Variants in XRN2 observed in about 807,000 individuals in gnomAD.
XRN2 encodes 5'-3' exoribonuclease 2, also known as DHM1-like protein.
In XRN2, 44 loss-of-function variants were observed where a neutral mutation model predicts 138.5. The ratio of observed to expected loss-of-function variants is 0.32; its 90% CI spans 0.25 to 0.41. The LOEUF is 0.41. Ranked by LOEUF, XRN2 falls within the 10% of genes least tolerant of loss-of-function variation. The probability of loss-of-function intolerance (pLI) is 1.00; values close to 1 mark genes in which losing one functional copy is unlikely to be tolerated. For synonymous variants in XRN2, 354 were observed against 369.4 expected (o/e 0.96, Z 0.48); for missense variants, 937 against 1,169.3 (o/e 0.80, Z 2.90).
At chr20:21,327,943 T>A (rs572171404) in intron 3 of XRN2, among the ~76,000 whole-genome samples, 1 of 152,318 alleles carries the variant, frequency 6.6e-6, no homozygotes, top group South Asian at 2.1e-4. Context: ...GAAATTGCAT[T>A]TGGTTAGAGT....
intron 13 of XRN2, among the ~76,000 whole-genome samples, chr20:21,336,195 C>T (rs2038289239): frequency 6.6e-6 from 1 of 152,234 alleles, no homozygotes; most frequent in Non-Finnish European, 1.5e-5. Context: ...CGTGGTGGCT[C>T]ATGCCTTTAA....
rs2038965833 is a variant in XRN2 at position 21,389,332 on chromosome 20, G to A, written c.2847G>A (p.Trp949Ter). Residue 949 changes from tryptophan to a stop codon, truncating the protein, a stop_gained, in exon 30 of 30, where the codon TGG becomes TGA. Transcript: ENST00000377191. LOFTEE classifies it high-confidence loss of function. ...CACCACCCTCAGGAAGATACAATTG[G>A]AATTAAGCTTTTGTAAAGCTTTCCC... ...PLPPPSGRYN[W>*]N 4 of 1,612,100 alleles carry A rather than the reference G, an allele frequency of 2.5e-6. No homozygotes were observed. The highest frequency in any genetic ancestry group is 3.4e-6 in the Non-Finnish European group (4 of 1,179,094).
chr20:21,348,476 C>G, intron 19 of XRN2, 46 bp downstream of exon 19: 1 of 1,527,418 alleles, frequency 6.5e-7, no homozygotes, highest in Non-Finnish European at 9.0e-7. Flanking sequence ...ATTTTTGTCA[C>G]ATTTTATTCA....
chr20:21,304,944 C>T (rs2037794823), intron 1 of XRN2, among the ~76,000 whole-genome samples: 1 of 152,160 alleles, frequency 6.6e-6, no homozygotes, highest in Admixed American at 6.5e-5. Context: ...GGATAGTTGA[C>T]TATTGACACT....
intron 28 of XRN2, 87 bp downstream of exon 28, chr20:21,382,144 T>C: frequency 8.9e-7 from 1 of 1,122,274 alleles, no homozygotes; most frequent in South Asian, 1.7e-5. Context: ...AAAACCTCTG[T>C]GGTTTGAAAT....
intron 20 of XRN2, among the ~76,000 whole-genome samples, chr20:21,351,065 A>T (rs2038504628): frequency 6.6e-6 from 1 of 152,250 alleles, no homozygotes; most frequent in African/African-American, 2.4e-5. Flanking sequence ...TTTGTTAAAT[A>T]AGTAAATTAT....
At chr20:21,330,284 A>AAAT (rs548935877) in intron 4 of XRN2, among the ~76,000 whole-genome samples, 197 bp from the exon 5 acceptor site, 76 of 151,976 alleles carry the variant, frequency 5.0e-4, no homozygotes, top group African/African-American at 1.2e-3. Context: ...ACTCTGTCTC[A>AAAT]AATAATAATA....
At chr20:21,356,766 A>G in intron 23 of XRN2, 101 bp downstream of exon 23, 2 of 1,019,640 alleles carry the variant, frequency 2.0e-6, no homozygotes, top group Non-Finnish European at 2.8e-6. Context: ...ATAGTGAGAA[A>G]ATTGTATTTA....
chr20:21,380,482 A>G (rs956328790), intron 27 of XRN2, among the ~76,000 whole-genome samples: 1 of 152,124 alleles, frequency 6.6e-6, no homozygotes, highest in African/African-American at 2.4e-5. Context: ...CAGAAAATTG[A>G]TTTTCTGATA....
At chr20:21,317,598 T>C (rs1052481009) in intron 1 of XRN2, among the ~76,000 whole-genome samples, 2 of 152,214 alleles carry the variant, frequency 1.3e-5, no homozygotes, top group African/African-American at 2.4e-5. Flanking sequence ...TGATATATAA[T>C]GGTGTAATAT....
Position 21,380,523 on chromosome 20 carries a change from T to C in XRN2, c.2585-1471T>C, listed in dbSNP as rs73298392. ...TAGTCTGTAGTAATGACTCAGAACT[T>C]ACTCTGGGCGTAGGGTGGGGAACTG... On this transcript the variant is annotated intron_variant, in intron 27 of 29. Transcript: ENST00000377191. Among the ~76,000 whole-genome samples the C allele has an allele frequency of 8.8e-3, 1,342 of 152,348 alleles. 20 individuals are homozygous for C. Among genetic ancestry groups the C allele is most frequent in the African/African-American group, 0.031 (1,268 of 41,568 alleles).
rs1156513813 is a variant in XRN2, at chr20:21,311,961, C to T, written c.75+8488C>T. 2.6e-5 allele frequency among the ~76,000 whole-genome samples: 4 copies of T among 152,096 alleles called. No homozygotes were observed. In the South Asian group the frequency reaches 6.2e-4, roughly 24 times the overall value. ...AGTGAGCTGAGATTGTTCCACTGCA[C>T]TCCAGCCTGGGCGACAGAGCGAGCC... On this transcript the variant is annotated intron_variant, in intron 1 of 29. Coordinates refer to ENST00000377191, the MANE Select transcript of XRN2 (RefSeq NM_012255.5).
intron 13 of XRN2, 54 bp from the exon 14 acceptor site, chr20:21,338,990 C>G (rs2038336334): frequency 6.5e-7 from 1 of 1,536,754 alleles, no homozygotes; most frequent in Non-Finnish European, 8.9e-7. Context: ...TAATGCTTAA[C>G]TCTGACATTT....
At chr20:21,311,913 T>C (rs1325995690) in intron 1 of XRN2, among the ~76,000 whole-genome samples, 1 of 152,114 alleles carries the variant, frequency 6.6e-6, no homozygotes, top group Admixed American at 6.5e-5. Flanking sequence ...CAAAATCACT[T>C]GATCCTGGGA....
intron 1 of XRN2, among the ~76,000 whole-genome samples, chr20:21,308,442 T>C (rs972396623): frequency 6.6e-6 from 1 of 152,184 alleles, no homozygotes; most frequent in African/African-American, 2.4e-5. Flanking sequence ...ACTTTTTTTT[T>C]CAAACTGGTT....
At chr20:21,353,252 ATATATATATATATC>A (rs1232107193) in intron 20 of XRN2, among the ~76,000 whole-genome samples, 258 of 16,538 alleles carry the variant, frequency 0.016, 2 homozygotes, top group African/African-American at 0.032. Context: ...ATATATATAT[ATATATATATATATC>A]TCTTAAATGT....
chr20:21,370,209 G>A (rs552737518), intron 27 of XRN2, among the ~76,000 whole-genome samples: 2 of 152,166 alleles, frequency 1.3e-5, no homozygotes, highest in Admixed American at 1.3e-4. Flanking sequence ...TATTCCATTG[G>A]TCTGTTATCT....
chr20:21,365,337 C>G, intron 24 of XRN2, 84 bp from the exon 25 acceptor site: 1 of 1,368,438 alleles, frequency 7.3e-7, no homozygotes, highest in African/African-American at 1.5e-5. Context: ...TTGGAGAGGA[C>G]TTAAACATGA....
chr20:21,383,820 A>G (rs1309018724), intron 28 of XRN2, among the ~76,000 whole-genome samples: 1 of 152,202 alleles, frequency 6.6e-6, no homozygotes, highest in South Asian at 2.1e-4. Context: ...GTTAGTGACA[A>G]GTTTTGTGGG....
Sources: allele counts gnomAD v4.1 joint callset (sites outside exome capture counted in the v4.1 genomes callset), GRCh38; gene constraint gnomAD v4.1.1; transcripts MANE v1.5; gene names NCBI Gene and HGNC (gene_info 2026-07-23, HGNC 2026-07-21).